The following IL1RAPL2 variants were observed in gnomAD, a reference collection of about 807,000 sequenced individuals.
IL1RAPL2 encodes interleukin 1 receptor accessory protein like 2.
IL1RAPL2 carries 3 observed loss-of-function variants against 44.1 expected under a neutral mutation model. The observed-to-expected ratio is 0.07, with a 90% confidence interval of 0.03 to 0.18. The LOEUF (loss-of-function observed/expected upper bound fraction) is 0.18. IL1RAPL2 is among the 10% of genes least tolerant of loss of function. The probability of loss-of-function intolerance (pLI) is 1.00; values close to 1 mark genes in which losing one functional copy is unlikely to be tolerated. For synonymous variants in IL1RAPL2, 181 were observed against 178.8 expected (o/e 1.01, Z -0.10); for missense variants, 391 against 496.4 (o/e 0.79, Z 2.02).
intron 2 of IL1RAPL2, among the ~76,000 whole-genome samples, chrX:105,173,456 G>C (rs201191319): frequency 1.8e-5 from 2 of 111,896 alleles, no homozygotes; most frequent in Non-Finnish European, 3.8e-5. Context: ...CTGTTGTCTG[G>C]TGGGAGGAAG....
chrX:105,480,162 G>A (rs980337151), intron 5 of IL1RAPL2, among the ~76,000 whole-genome samples: 26 of 112,130 alleles, frequency 2.3e-4, no homozygotes, highest in African/African-American at 8.1e-4. Flanking sequence ...TAACACTTGG[G>A]CAATGTAGTC....
At chrX:105,155,989 C>T (rs1290387985) in intron 2 of IL1RAPL2, among the ~76,000 whole-genome samples, 2 of 111,582 alleles carry the variant, frequency 1.8e-5, no homozygotes, top group African/African-American at 6.5e-5. Context: ...AGGAAAAGCC[C>T]ACTCCAGCTG....
intron 1 of IL1RAPL2, among the ~76,000 whole-genome samples, chrX:104,575,101 T>G (rs1438372349): frequency 1.8e-5 from 2 of 111,289 alleles, no homozygotes; most frequent in Non-Finnish European, 3.8e-5. Flanking sequence ...TTCAGAAGGA[T>G]TCAAGTGTTA....
intron 5 of IL1RAPL2, among the ~76,000 whole-genome samples, chrX:105,303,603 C>G (rs16984699): frequency 0.031 from 3,454 of 112,043 alleles, 54 homozygotes; most frequent in Non-Finnish European, 0.046. Context: ...ATGGTTACTC[C>G]CAGTCAGGCC....
intron 5 of IL1RAPL2, among the ~76,000 whole-genome samples, chrX:105,357,353 G>A (rs767148891): frequency 1.8e-5 from 2 of 111,634 alleles, no homozygotes; most frequent in South Asian, 7.4e-4. Flanking sequence ...CTTGAAAATA[G>A]TAAATATTCA....
In IL1RAPL2 at chrX:105,243,585, G is replaced by A. The variant is rs782170565; in HGVS notation, c.543+9581G>A. On this transcript the variant is annotated intron_variant, in intron 4 of 10. Coordinates refer to ENST00000372582, the MANE Select transcript of IL1RAPL2 (RefSeq NM_017416.2). Reference sequence around the variant, plus strand: ...TATGTGTGTATATATATATATATATGTGTATATATATATATATATATTTTT... The same window carrying A: ...TATGTGTGTATATATATATATATATATGTATATATATATATATATATTTTT... Among the ~76,000 whole-genome samples, 687 of 75,178 alleles carry A rather than the reference G, an allele frequency of 9.1e-3. 13 individuals carry two copies. In the African/African-American group the frequency reaches 0.1, roughly 11 times the overall value. The allele number at this position is 75,178 out of a possible 115,157, so 65.3% of individuals were successfully genotyped here. A position where few individuals can be genotyped will look rare whatever the true frequency, so the allele number is the denominator to read the frequency against.
chrX:104,783,207 T>C (rs774455020), intron 2 of IL1RAPL2, among the ~76,000 whole-genome samples: 11 of 111,819 alleles, frequency 9.8e-5, no homozygotes, highest in Non-Finnish European at 2.1e-4. Context: ...GGTAGGTACT[T>C]TATGTAATCT....
intron 2 of IL1RAPL2, among the ~76,000 whole-genome samples, chrX:104,911,367 A>C (rs1237304469): frequency 8.9e-6 from 1 of 112,201 alleles, no homozygotes; most frequent in Non-Finnish European, 1.9e-5. Flanking sequence ...CCTATTTATA[A>C]CATAGGTGAA....
In IL1RAPL2 at chrX:105,407,002, GA is replaced by G. The variant is rs746334864; in HGVS notation, c.698-77309del. On this transcript the variant is annotated intron_variant, in intron 5 of 10. Transcript: ENST00000372582. ...GTCCAACGTGAAGGGAGCTGTGTTT[GA>G]AGAGATGCTGACACCACTACACATG... 4 of 1,077,302 alleles carry G rather than the reference GA, an allele frequency of 3.7e-6. No homozygotes were observed. In the African/African-American group the frequency reaches 5.4e-5, roughly 15 times the overall value. The allele number at this position is 1,077,302 out of a possible 1,213,427, so 88.8% of individuals were successfully genotyped here.
chrX:105,309,502 T>C (rs949008890), intron 5 of IL1RAPL2, among the ~76,000 whole-genome samples: 2 of 107,136 alleles, frequency 1.9e-5, no homozygotes, highest in South Asian at 4.3e-4. Flanking sequence ...GAGGCCAAGG[T>C]GGGCAGATTA....
chrX:105,089,166 C>G (rs1450583370), intron 2 of IL1RAPL2, among the ~76,000 whole-genome samples: 9 of 110,633 alleles, frequency 8.1e-5, no homozygotes, highest in Non-Finnish European at 1.5e-4. Flanking sequence ...GTGTTTTCTT[C>G]CTTAACTGGA....
At chrX:105,728,918 T>C (rs2038375963) in intron 7 of IL1RAPL2, among the ~76,000 whole-genome samples, 1 of 110,585 alleles carries the variant, frequency 9.0e-6, no homozygotes, top group Non-Finnish European at 1.9e-5. Flanking sequence ...TGATCTTTTT[T>C]TAGTCTTTAT....
intron 2 of IL1RAPL2, among the ~76,000 whole-genome samples, chrX:104,857,242 G>A (rs1175662969): frequency 8.9e-6 from 1 of 111,738 alleles, no homozygotes; most frequent in East Asian, 2.8e-4. Flanking sequence ...AGACAGGCAG[G>A]TTGAGGCTTA....
At chrX:105,624,049 A>G (rs2037437179) in intron 6 of IL1RAPL2, among the ~76,000 whole-genome samples, 1 of 111,416 alleles carries the variant, frequency 9.0e-6, no homozygotes, top group Admixed American at 9.6e-5. Context: ...AGCCAAGGAA[A>G]ATGTTGGGAT....
At chrX:105,204,113 C>G (rs1556149098) in intron 3 of IL1RAPL2, among the ~76,000 whole-genome samples, 1 of 109,684 alleles carries the variant, frequency 9.1e-6, no homozygotes, top group East Asian at 2.9e-4. Flanking sequence ...TTATCTGTAT[C>G]AAAGTGAAGC....
At chrX:104,983,358 T>A (rs1414774288) in intron 2 of IL1RAPL2, among the ~76,000 whole-genome samples, 6 of 101,588 alleles carry the variant, frequency 5.9e-5, no homozygotes, top group African/African-American at 2.1e-4. Context: ...ATATATAAAA[T>A]ATTTGCTCTC....
chrX:105,693,722 A>G (rs2038054813), intron 6 of IL1RAPL2, among the ~76,000 whole-genome samples: 1 of 111,880 alleles, frequency 8.9e-6, no homozygotes. Flanking sequence ...AGTCCTTATA[A>G]GAGAGAGGCA....
Position 105,039,251 on chromosome X carries a change from CAGAG to C in IL1RAPL2, c.83-156220_83-156217del, listed in dbSNP as rs754463677. Among the ~76,000 whole-genome samples, 5 of 111,601 alleles carry C rather than the reference CAGAG, an allele frequency of 4.5e-5. No individual in the cohort carries two copies. In the East Asian group the frequency reaches 1.1e-3, roughly 25 times the overall value. On this transcript the variant is annotated intron_variant, in intron 2 of 10. Transcript: ENST00000372582. ...ATAATGAAGTTAAATTTTAAGAACA[CAGAG>C]AGAATGCCATGAAAATATTAGAATA...
At chrX:105,273,344 C>T (rs902295990) in intron 5 of IL1RAPL2, among the ~76,000 whole-genome samples, 2 of 110,993 alleles carry the variant, frequency 1.8e-5, no homozygotes, top group East Asian at 5.7e-4. Context: ...CCACCCTCCC[C>T]GGAGGCTAGC....
Sources: allele counts gnomAD v4.1 joint callset (sites outside exome capture counted in the v4.1 genomes callset), GRCh38; gene constraint gnomAD v4.1.1; transcripts MANE v1.5; gene names NCBI Gene and HGNC (gene_info 2026-07-23, HGNC 2026-07-21).